THAP4: variants seen among roughly 807,000 people sequenced by gnomAD.
THAP4 encodes the protein peroxynitrite isomerase THAP4.
In THAP4, 18 loss-of-function variants were observed where a neutral mutation model predicts 48.1. That is an observed-to-expected ratio of 0.37 (90% CI 0.26 to 0.56). The LOEUF (loss-of-function observed/expected upper bound fraction) is 0.56. Ranked by LOEUF, THAP4 falls within the 20% of genes least tolerant of loss-of-function variation. THAP4 has a pLI of 0.78. For missense variants in THAP4, 656 were observed against 774.9 expected (o/e 0.85, Z 1.82); for synonymous variants, 345 against 324.9 (o/e 1.06, Z -0.66).
chr2:241,587,974 G>A (rs971037962), intron 5 of THAP4, among the ~76,000 whole-genome samples: 1 of 120,446 alleles, frequency 8.3e-6, no homozygotes, highest in Non-Finnish European at 1.6e-5. Flanking sequence ...GGGCAACACA[G>A]AATACCTTGT....
Position 241,616,363 on chromosome 2 carries a change from C to T in THAP4, c.1241-9890G>A, listed in dbSNP as rs983394766. Among the ~76,000 whole-genome samples, 2 of 152,170 alleles carry T rather than the reference C, an allele frequency of 1.3e-5. No homozygotes were observed. The highest frequency in any genetic ancestry group is 4.8e-5 in the African/African-American group (2 of 41,452). On this transcript the variant is annotated intron_variant, in intron 2 of 5. Coordinates refer to ENST00000407315, the MANE Select transcript of THAP4 (RefSeq NM_015963.6). This position sits in a 1 kb window ranked among gnomAD's most constrained non-coding sequence, Gnocchi z 4.6. ...GGTGCAGGCGCACGAGAGCTGAGGGCGAGCCCTGGCATCAGGACCAGAGAG... is the reference window on the plus strand; with the variant it reads ...GGTGCAGGCGCACGAGAGCTGAGGGTGAGCCCTGGCATCAGGACCAGAGAG...
chr2:241,611,152 C>T (rs1340004559), intron 2 of THAP4, among the ~76,000 whole-genome samples: 1 of 152,148 alleles, frequency 6.6e-6, no homozygotes, highest in African/African-American at 2.4e-5. Flanking sequence ...ACAGGAGGGG[C>T]CTCTGGGAGC....
intron 2 of THAP4, among the ~76,000 whole-genome samples, chr2:241,622,581 T>C (rs2067444005): frequency 6.6e-6 from 1 of 151,628 alleles, no homozygotes; most frequent in African/African-American, 2.4e-5. Flanking sequence ...TTAATTGACC[T>C]AACAGAAAAC....
intron 2 of THAP4, among the ~76,000 whole-genome samples, chr2:241,609,733 G>C (rs2067239134): frequency 6.6e-6 from 1 of 151,954 alleles, no homozygotes; most frequent in South Asian, 2.1e-4. Flanking sequence ...GTTGCAGTGA[G>C]CCGAGGTCGT....
At chr2:241,613,584 T>A (rs1045532410) in intron 2 of THAP4, among the ~76,000 whole-genome samples, 1 of 151,856 alleles carries the variant, frequency 6.6e-6, no homozygotes, top group Non-Finnish European at 1.5e-5. Flanking sequence ...CAAAACACTG[T>A]CTCTACCAGA....
chr2:241,587,754 A>G (rs112142157), intron 5 of THAP4, among the ~76,000 whole-genome samples: 5 of 152,234 alleles, frequency 3.3e-5, no homozygotes, highest in African/African-American at 1.2e-4. Flanking sequence ...GAAAAAAAAA[A>G]TCACTACAAA....
intron 5 of THAP4, among the ~76,000 whole-genome samples, chr2:241,590,229 T>C (rs2066943278): frequency 7.2e-6 from 1 of 139,830 alleles, no homozygotes; most frequent in Non-Finnish European, 1.5e-5. Context: ...CTGATGATAA[T>C]GGGCACTAGG....
At chr2:241,621,471 G>T (rs563171542) in intron 2 of THAP4, among the ~76,000 whole-genome samples, 1 of 152,132 alleles carries the variant, frequency 6.6e-6, no homozygotes, top group Non-Finnish European at 1.5e-5. Flanking sequence ...AGAACAAAAA[G>T]GAAATTGCTG....
chr2:241,632,664 C>T (rs113146466), intron 2 of THAP4, among the ~76,000 whole-genome samples: 54 of 152,356 alleles, frequency 3.5e-4, no homozygotes, highest in Non-Finnish European at 7.1e-4. Flanking sequence ...TCCTGGCTGA[C>T]GCGTGCTGCC....
intron 2 of THAP4, among the ~76,000 whole-genome samples, chr2:241,632,558 C>T (rs181883006): frequency 3.2e-4 from 49 of 152,336 alleles, no homozygotes; most frequent in African/African-American, 1.0e-3. Flanking sequence ...CTCTTATTTT[C>T]CATCTAGTTC....
intron 2 of THAP4, among the ~76,000 whole-genome samples, chr2:241,622,010 AAGG>A (rs1001639916): frequency 1.3e-5 from 2 of 152,172 alleles, no homozygotes; most frequent in African/African-American, 4.8e-5. Context: ...TTCGGGTGCA[AAGG>A]AGAAGTAAAG....
At position 241,602,013 on chromosome 2, in the gene THAP4, G is replaced by A; in HGVS notation, c.1511-14C>T. The A allele has an allele frequency of 6.2e-7, 1 of 1,608,574 alleles. No individual in the cohort carries two copies. The highest frequency in any genetic ancestry group is 8.5e-7 in the Non-Finnish European group (1 of 1,178,118). On this transcript the variant is annotated splice_polypyrimidine_tract_variant and intron_variant, in intron 4 of 5. Transcript: ENST00000407315. ...CTTCCACCACGCCTGCAAGGGAAGG[G>A]CAGTCAGCTCACCCAGCAGCTGCTC...
In THAP4 at chr2:241,602,980, G is replaced by A. The variant is rs1412259454; in HGVS notation, c.1500C>T (p.Ala500=). The change falls in exon 4 of 6, where the codon GCC becomes GCT. Residue 500 remains alanine, a synonymous_variant. Transcript: ENST00000407315. ...CAAGCTGGGCCTCACCTGTGTTCTGGGCGCTGACAAAGGCCACCTTGTTGG... is the reference window on the plus strand; with the variant it reads ...CAAGCTGGGCCTCACCTGTGTTCTGAGCGCTGACAAAGGCCACCTTGTTGG... The part of the protein sequence containing the change: ...PDTNKVAFVS[A]QNTGVVEVEE... The A allele has an allele frequency of 1.2e-6, 2 of 1,613,770 alleles. No homozygotes were observed. The highest frequency in any genetic ancestry group is 1.7e-6 in the Non-Finnish European group (2 of 1,179,750).
In THAP4 at chr2:241,607,372, G is replaced by A. The variant is rs371968921; in HGVS notation, c.1241-899C>T. ...TGACCCTCACCCTGGCTGGATGCAC[G>A]GGCCCTGCTCTTACTCATTTTCTAA... On this transcript the variant is annotated intron_variant, in intron 2 of 5. Transcript: ENST00000407315. Among the ~76,000 whole-genome samples, 21 of 152,048 alleles carry A rather than the reference G, an allele frequency of 1.4e-4. No individual in the cohort carries two copies. In the East Asian group the frequency reaches 1.9e-3, roughly 14 times the overall value.
intron 2 of THAP4, among the ~76,000 whole-genome samples, chr2:241,628,746 A>AC (rs1339825537): frequency 4.6e-5 from 7 of 150,992 alleles, no homozygotes; most frequent in Admixed American, 4.6e-4. Context: ...CAAAAAAAAA[A>AC]ACAAAAAACA....
rs1247380515 is a variant in THAP4, at chr2:241,601,818, A to C, written c.1614+78T>G. ...ACAGTGGCAAGACACGCACTACCTC[A>C]CGGAAGAGGAAGAGGCTGACTCCAC... is the stretch of plus-strand genomic sequence containing the variant. On this transcript the variant is annotated intron_variant, in intron 5 of 5. Transcript: ENST00000407315. The surrounding 1 kb of genome is among the most constrained non-coding windows in gnomAD (Gnocchi z 4.0). 1 of 1,587,940 alleles carries C rather than the reference A, an allele frequency of 6.3e-7. No homozygotes were observed. Among genetic ancestry groups the C allele is most frequent in the Non-Finnish European group, 8.6e-7 (1 of 1,166,832 alleles).
At chr2:241,595,921 AT>A (rs1398886564) in intron 5 of THAP4, among the ~76,000 whole-genome samples, 3 of 152,084 alleles carry the variant, frequency 2.0e-5, no homozygotes, top group Admixed American at 6.5e-5. Flanking sequence ...TAGTTGGGAC[AT>A]TTCACTCCTG....
At chr2:241,592,765 C>T (rs957821852) in intron 5 of THAP4, among the ~76,000 whole-genome samples, 13 of 152,186 alleles carry the variant, frequency 8.5e-5, no homozygotes, top group African/African-American at 1.9e-4. Context: ...ATGCAGACAC[C>T]GTGTCTGACG....
At chr2:241,591,296 G>T (rs2066976211) in intron 5 of THAP4, among the ~76,000 whole-genome samples, 1 of 152,190 alleles carries the variant, frequency 6.6e-6, no homozygotes, top group Non-Finnish European at 1.5e-5. Context: ...CAGGCCGGGG[G>T]CTTGAGAGGG....
Sources: gnomAD v4.1 joint callset for allele counts (sites outside exome capture counted in the v4.1 genomes callset) on GRCh38, gnomAD v4.1.1 for gene constraint, Gnocchi (gnomAD v3.1) non-coding constraint, MANE v1.5 for transcripts, NCBI Gene and HGNC (gene_info 2026-07-23, HGNC 2026-07-21) for gene names.